Variants in CSMD2 observed in about 807,000 individuals in gnomAD.
CSMD2 encodes the protein CUB and Sushi multiple domains 2, also known as CUB and sushi domain-containing protein 2.
CSMD2 carries 130 observed loss-of-function variants against 398.5 expected under a neutral mutation model. That is an observed-to-expected ratio of 0.33 (90% CI 0.28 to 0.38). The LOEUF is 0.38. CSMD2 is among the 10% of genes least tolerant of loss of function. The pLI is 1.00. For synonymous variants in CSMD2, 1,828 were observed against 1,908.5 expected (o/e 0.96, Z 1.10); for missense variants, 3,829 against 4,764.9 (o/e 0.80, Z 5.78).
In CSMD2 at chr1:33,519,876, C is replaced by T. The variant is rs1297525234; in HGVS notation, c.10672G>A (p.Ala3558Thr). ...FASNSSSVAA[A>T]ILVPFIALII... ...AGGGCGATGAAAGGCACCAGGATCG[C>T]GGCTGCCACTGAGCTGCTGTTGGAA... is the stretch of plus-strand genomic sequence containing the variant. Residue 3558 changes from alanine to threonine, a missense_variant, in exon 69 of 71, where the codon GCG becomes ACG. By Grantham distance (58) the Ala-to-Thr change is moderately conservative. Around this residue, in one of 5 missense-constraint regions of CSMD2, gnomAD observed 917 missense variants for 1,199.5 expected, o/e 0.76. Transcript: ENST00000373381. The surrounding 1 kb of genome is among the most constrained non-coding windows in gnomAD (Gnocchi z 5.6). The T allele has an allele frequency of 1.2e-6, 2 of 1,613,970 alleles. No homozygotes were observed. The highest frequency in any genetic ancestry group is 1.3e-5 in the African/African-American group (1 of 74,876).
intron 2 of CSMD2, among the ~76,000 whole-genome samples, chr1:34,042,162 G>C (rs1018739871): frequency 6.6e-6 from 1 of 152,232 alleles, no homozygotes; most frequent in Non-Finnish European, 1.5e-5. Context: ...TGTAAGTCTT[G>C]ATTCCTGCTT....
intron 6 of CSMD2, among the ~76,000 whole-genome samples, chr1:33,833,619 C>G (rs1459869414): frequency 6.7e-6 from 1 of 149,416 alleles, no homozygotes; most frequent in East Asian, 2.0e-4. Context: ...TCTCACCACT[C>G]CTATTCAACA....
At chr1:33,964,414 C>T (rs1237557168) in intron 3 of CSMD2, among the ~76,000 whole-genome samples, 4 of 152,150 alleles carry the variant, frequency 2.6e-5, no homozygotes, top group Admixed American at 1.3e-4. Flanking sequence ...CACTCCTAGT[C>T]CCCAGTAAAA....
Position 33,537,102 on chromosome 1 carries a change from G to A in CSMD2, c.9806-7C>T. 10 of 1,614,082 alleles carry A rather than the reference G, an allele frequency of 6.2e-6. No homozygotes were observed. Among genetic ancestry groups the A allele is most frequent in the East Asian group, 2.2e-5 (1 of 44,878 alleles). ...CACGTGGTCAGGGTCGGATCTGGAT[G>A]GCCAAAACAAAGACACAGATCACAT... On this transcript the variant is annotated splice_polypyrimidine_tract_variant and splice_region_variant and intron_variant, in intron 61 of 70. Transcript: ENST00000373381. The surrounding 1 kb of genome is among the most constrained non-coding windows in gnomAD (Gnocchi z 4.6).
At chr1:34,133,648 G>C (rs776585620) in intron 1 of CSMD2, among the ~76,000 whole-genome samples, 2 of 151,696 alleles carry the variant, frequency 1.3e-5, no homozygotes, top group Non-Finnish European at 2.9e-5. Flanking sequence ...AAAAAAATCA[G>C]TTAGCCCATA....
At chr1:33,837,553 G>A (rs1282658321) in intron 6 of CSMD2, among the ~76,000 whole-genome samples, 1 of 152,170 alleles carries the variant, frequency 6.6e-6, no homozygotes, top group East Asian at 1.9e-4. Flanking sequence ...CCGATAGTAT[G>A]CTTAATATTC....
intron 5 of CSMD2, among the ~76,000 whole-genome samples, chr1:33,876,085 C>CTGCTGTCTCTCCTTCT (rs1640822293): frequency 6.6e-6 from 1 of 152,168 alleles, no homozygotes; most frequent in African/African-American, 2.4e-5. Context: ...TCTCAGCAGG[C>CTGCTGTCTCTCCTTCT]CCTGTTACTA....
At chr1:34,090,276 C>A (rs764350726) in intron 1 of CSMD2, among the ~76,000 whole-genome samples, 1 of 152,152 alleles carries the variant, frequency 6.6e-6, no homozygotes, top group Non-Finnish European at 1.5e-5. Context: ...TGTGATGATG[C>A]CCTCTGTGGG....
Position 33,949,566 on chromosome 1 carries a change from C to T in CSMD2, c.518-13612G>A, listed in dbSNP as rs150421141. ...GACCCTGTGTATCAATGGACTCAGA[C>T]CTTGTCCCCTCTCTGATCCTCGCCT... On this transcript the variant is annotated intron_variant, in intron 3 of 70. Coordinates refer to ENST00000373381, the MANE Select transcript of CSMD2 (RefSeq NM_001281956.2). Among the ~76,000 whole-genome samples, 601 of 152,350 alleles carry T rather than the reference C, an allele frequency of 3.9e-3. 7 individuals are homozygous for T. The highest frequency in any genetic ancestry group is 0.014 in the African/African-American group (568 of 41,576).
At chr1:33,627,075 C>T (rs1419163745) in intron 32 of CSMD2, among the ~76,000 whole-genome samples, 2 of 152,116 alleles carry the variant, frequency 1.3e-5, no homozygotes, top group Non-Finnish European at 2.9e-5. Flanking sequence ...AGACACTCTC[C>T]CACCATCCTG....
chr1:33,582,916 A>G (rs1442484575), intron 47 of CSMD2, among the ~76,000 whole-genome samples: 6 of 152,346 alleles, frequency 3.9e-5, no homozygotes, highest in Non-Finnish European at 7.3e-5. Flanking sequence ...CCCTTCAGAA[A>G]TGAGGATCAG....
Position 33,515,143 on chromosome 1 carries a change from G to A in CSMD2, c.*1481C>T, listed in dbSNP as rs995466633. The A allele has an allele frequency of 2.0e-5, 3 of 152,192 alleles. No individual in the cohort carries two copies. The highest frequency in any genetic ancestry group is 4.4e-5 in the Non-Finnish European group (3 of 68,048). 9.4% of individuals were successfully genotyped at this position (152,192 alleles called of 1,614,324 possible). On this transcript the variant is annotated 3_prime_UTR_variant, in exon 71 of 71. Coordinates refer to ENST00000373381, the MANE Select transcript of CSMD2 (RefSeq NM_001281956.2). The stretch of plus-strand genomic sequence containing the variant: ...CTCATGGAATTCATGAACGACCCAA[G>A]CATGATATAGCTGTCAAAATCAATC...
intron 1 of CSMD2, among the ~76,000 whole-genome samples, chr1:34,159,928 C>T (rs970234153): frequency 1.3e-5 from 2 of 152,176 alleles, no homozygotes; most frequent in Admixed American, 6.5e-5. Context: ...GGTTTCTAAT[C>T]CTTCCAAAAA....
chr1:33,999,803 A>G (rs1039651042), intron 3 of CSMD2, among the ~76,000 whole-genome samples: 1 of 152,230 alleles, frequency 6.6e-6, no homozygotes, highest in Non-Finnish European at 1.5e-5. Flanking sequence ...GATATTCATC[A>G]TAGCCTTGTT....
intron 10 of CSMD2, among the ~76,000 whole-genome samples, chr1:33,809,752 C>T (rs1656642424): frequency 6.7e-6 from 1 of 149,880 alleles, no homozygotes; most frequent in Non-Finnish European, 1.5e-5. Context: ...CATTTTTTTG[C>T]AGATGATGAC....
intron 1 of CSMD2, among the ~76,000 whole-genome samples, chr1:34,099,120 C>T (rs1285288790): frequency 6.6e-6 from 1 of 152,180 alleles, no homozygotes; most frequent in Non-Finnish European, 1.5e-5. Context: ...AAGCCTCTAA[C>T]TCCACAACTT....
At chr1:34,082,157 G>C (rs1332580638) in intron 2 of CSMD2, among the ~76,000 whole-genome samples, 1 of 144,358 alleles carries the variant, frequency 6.9e-6, no homozygotes, top group Admixed American at 7.0e-5. Flanking sequence ...GAGCACCTCT[G>C]CCCGGCCGCC....
intron 26 of CSMD2, among the ~76,000 whole-genome samples, chr1:33,660,055 G>T (rs1201129267): frequency 6.6e-6 from 1 of 152,190 alleles, no homozygotes; most frequent in Non-Finnish European, 1.5e-5. Flanking sequence ...AAGAAAAATA[G>T]CTCATTGTTC....
chr1:33,705,089 T>G (rs1287695450), intron 22 of CSMD2, among the ~76,000 whole-genome samples: 2 of 152,126 alleles, frequency 1.3e-5, no homozygotes, highest in Non-Finnish European at 2.9e-5. Context: ...AGTTTCTGAT[T>G]TCTGTTCTTT....
Sources: gnomAD v4.1 joint callset for allele counts (sites outside exome capture counted in the v4.1 genomes callset) on GRCh38, gnomAD v4.1.1 for gene constraint, gnomAD v4.1.1 regional missense constraint, Gnocchi (gnomAD v3.1) non-coding constraint, MANE v1.5 for transcripts, NCBI Gene and HGNC (gene_info 2026-07-23, HGNC 2026-07-21) for gene names.